Variants in SDSL observed in about 807,000 individuals in gnomAD.
SDSL encodes the protein serine dehydratase like.
A neutral mutation model predicts 27.6 loss-of-function variants in SDSL; 26 were observed. The ratio of observed to expected loss-of-function variants is 0.94; its 90% CI spans 0.69 to 1.31. The LOEUF (loss-of-function observed/expected upper bound fraction) is 1.31. Ranked by LOEUF, SDSL falls within the 50% of genes most tolerant of loss-of-function variation. The pLI is 0.00. For synonymous variants in SDSL, 196 were observed against 180.6 expected (o/e 1.09, Z -0.69); for missense variants, 431 against 423.5 (o/e 1.02, Z -0.16).
chr12:113,428,424 C>T lies in SDSL; in HGVS notation c.179C>T (p.Ala60Val). 6.2e-7 allele frequency: 1 copy of T among 1,611,698 alleles called. No individual in the cohort carries two copies. The highest frequency in any genetic ancestry group is 1.7e-5 in the Admixed American group (1 of 59,692). The change falls in exon 3 of 8, where the codon GCC becomes GTC. Residue 60 changes from alanine to valine, a missense_variant. Transcript: ENST00000403593. ...RGIGHFCQEM[A>V]KKGCRHLVCS... Reference sequence around the variant, plus strand: ...CCCCATTCCTTCTCTTCCCAGATGGCCAAGAAGGGATGCAGACACCTGGTG... The same window carrying T: ...CCCCATTCCTTCTCTTCCCAGATGGTCAAGAAGGGATGCAGACACCTGGTG...
intron 2 of SDSL, 55 bp downstream of exon 2, chr12:113,428,211 A>G: frequency 2.7e-6 from 4 of 1,477,384 alleles, no homozygotes; most frequent in East Asian, 2.5e-5. Flanking sequence ...GGGAGGGAAG[A>G]GTGAGGGGTG....
At chr12:113,435,261 C>A in intron 5 of SDSL, 68 bp from the exon 6 acceptor site, 1 of 1,124,910 alleles carries the variant, frequency 8.9e-7, no homozygotes, top group Non-Finnish European at 1.2e-6. Flanking sequence ...TAAATTCCCC[C>A]ACCACAGGAG....
At chr12:113,433,163 G>A (rs1458452840) in intron 4 of SDSL, among the ~76,000 whole-genome samples, 3 of 152,156 alleles carry the variant, frequency 2.0e-5, no homozygotes, top group Admixed American at 6.5e-5. Context: ...GTAACTCAGG[G>A]GAATGAGACT....
chr12:113,425,686 C>T (rs765776410), intron 1 of SDSL: 18 of 455,868 alleles, frequency 3.9e-5, no homozygotes, highest in African/African-American at 1.0e-4. Context: ...TCACACACAG[C>T]TCCTCGGCTT....
At position 113,436,744 on chromosome 12, in the gene SDSL, C is replaced by G. The variant is rs764520284; in HGVS notation, c.672-7C>G. 2.5e-6 allele frequency: 4 copies of G among 1,602,584 alleles called. No homozygotes were observed. The South Asian group carries it at 4.5e-5, about 18-fold the overall frequency. Reference sequence around the variant, plus strand: ...GTCTCCCTGCCCCACCCTGCTCTATCCTGCAGTGTGGCCAAGAGCCTGGGT... The same window carrying G: ...GTCTCCCTGCCCCACCCTGCTCTATGCTGCAGTGTGGCCAAGAGCCTGGGT... On this transcript the variant is annotated splice_polypyrimidine_tract_variant and splice_region_variant and intron_variant, in intron 6 of 7. Transcript: ENST00000403593.
rs539334504 is a variant in SDSL at position 113,436,864 on chromosome 12, A to T, written c.785A>T (p.Gln262Leu). The change falls in exon 7 of 8, where the codon CAG (glutamine) becomes CTG (leucine). Residue 262 changes from glutamine (Q) to leucine (L), a missense_variant. Physicochemically the swap from Gln to Leu is moderately radical, Grantham distance 113 (BLOSUM62 -2). Transcript: ENST00000403593. ...VEDTEAVSAV[Q>L]QLLDDERMLV... ...GACACCGAGGCTGTGAGCGCTGTGC[A>T]GCAGCTCCTGGGTGAGTGATCCCTG... 2 of 1,605,488 alleles carry T rather than the reference A, an allele frequency of 1.2e-6. No individual in the cohort carries two copies.
chr12:113,423,529 G>A (rs2136946637), intron 1 of SDSL, among the ~76,000 whole-genome samples: 1 of 152,210 alleles, frequency 6.6e-6, no homozygotes, highest in Non-Finnish European at 1.5e-5. Flanking sequence ...ATTTACCTGA[G>A]GCCAGGAGTT....
chr12:113,429,923 C>T (rs1294410762), intron 4 of SDSL, among the ~76,000 whole-genome samples: 1 of 151,414 alleles, frequency 6.6e-6, no homozygotes, highest in Non-Finnish European at 1.5e-5. Flanking sequence ...TCCTTCCCTC[C>T]CTCTCTTCTT....
chr12:113,429,047 G>A, intron 3 of SDSL, 113 bp from the exon 4 acceptor site: 1 of 1,268,130 alleles, frequency 7.9e-7, no homozygotes, highest in Non-Finnish European at 1.1e-6. Context: ...AGGAGTCAAT[G>A]GGGCATATGA....
intron 1 of SDSL, chr12:113,426,075 C>T (rs1290267842): frequency 2.3e-6 from 1 of 432,496 alleles, no homozygotes; most frequent in Non-Finnish European, 4.7e-6. Context: ...GAATAACAAC[C>T]AAACTCCTCT....
In SDSL at chr12:113,437,875, G is replaced by T. The variant is rs1382084404; in HGVS notation, c.797-11G>T. On this transcript the variant is annotated splice_polypyrimidine_tract_variant and intron_variant, in intron 7 of 7. Transcript: ENST00000403593. ...CCTTTCCTTCCTCTCTCCATCCCCC[G>T]ATCCTGGCAGATGATGAGCGTATGC... The T allele has an allele frequency of 6.3e-7, 1 of 1,584,684 alleles. No individual in the cohort carries two copies. Among genetic ancestry groups the T allele is most frequent in the South Asian group, 1.1e-5 (1 of 87,076 alleles).
chr12:113,424,236 GGTCTT>G (rs1377819263), intron 1 of SDSL, among the ~76,000 whole-genome samples: 1 of 152,066 alleles, frequency 6.6e-6, no homozygotes, highest in African/African-American at 2.4e-5. Context: ...TGGCCAGACT[GGTCTT>G]GAACTCTTGA....
intron 6 of SDSL, 146 bp from the exon 7 acceptor site, chr12:113,436,605 G>A: frequency 1.2e-6 from 1 of 831,372 alleles, no homozygotes; most frequent in African/African-American, 1.8e-5. Flanking sequence ...CACTATTTTT[G>A]AGCACCTCCT....
chr12:113,434,240 C>T lies in SDSL; in HGVS notation c.443+18C>T, dbSNP rs1957964605. ...CTAATATGGTAAGGCTGACGCCCCT[C>T]TCCCCAGGAGTCCAGAGCTGGGAGA... On this transcript the variant is annotated intron_variant, in intron 5 of 7. Transcript: ENST00000403593. The T allele has an allele frequency of 1.3e-6, 2 of 1,578,824 alleles. No homozygotes were observed. Among genetic ancestry groups the T allele is most frequent in the South Asian group, 1.2e-5 (1 of 86,866 alleles).
intron 4 of SDSL, among the ~76,000 whole-genome samples, 175 bp downstream of exon 4, chr12:113,429,474 G>T (rs1182042977): frequency 6.6e-6 from 1 of 152,160 alleles, no homozygotes; most frequent in African/African-American, 2.4e-5. Context: ...TGAGGGCTGG[G>T]ATCTCCCAAC....
intron 6 of SDSL, among the ~76,000 whole-genome samples, chr12:113,436,121 G>A (rs1957989512): frequency 6.6e-6 from 1 of 152,096 alleles, no homozygotes; most frequent in South Asian, 2.1e-4. Flanking sequence ...AACTTAGCAA[G>A]ACCCTGTCCT....
chr12:113,427,043 G>C (rs1957858037), intron 1 of SDSL: 1 of 152,238 alleles, frequency 6.6e-6, no homozygotes, highest in South Asian at 2.1e-4. Context: ...ACACAGGAAG[G>C]GGGAGTGGGC....
At chr12:113,429,396 G>A (rs1957892161) in intron 4 of SDSL, 97 bp downstream of exon 4, 2 of 1,340,774 alleles carry the variant, frequency 1.5e-6, no homozygotes, top group Non-Finnish European at 2.1e-6. Flanking sequence ...CTTTCGATGA[G>A]CTGTGGCTGG....
chr12:113,435,939 T>C (rs955587175), intron 6 of SDSL, among the ~76,000 whole-genome samples: 1 of 152,088 alleles, frequency 6.6e-6, no homozygotes, highest in Non-Finnish European at 1.5e-5. Flanking sequence ...CAACATATAG[T>C]GAAACCCTGT....
Sources: allele counts gnomAD v4.1 joint callset (sites outside exome capture counted in the v4.1 genomes callset), GRCh38; gene constraint gnomAD v4.1.1; transcripts MANE v1.5; gene names NCBI Gene and HGNC (gene_info 2026-07-23, HGNC 2026-07-21).